Variants in IRAG2 observed in about 807,000 individuals in gnomAD.
IRAG2 encodes the protein inositol 1,4,5-triphosphate receptor associated 2, also known as lymphoid restricted membrane protein.
Under a neutral mutation model 69.9 loss-of-function variants are expected in IRAG2, and 45 were observed. The ratio of observed to expected loss-of-function variants is 0.64; its 90% CI spans 0.51 to 0.83. The LOEUF is 0.83. IRAG2 is among the 40% of genes least tolerant of loss of function. IRAG2 has a pLI of 0.00. For missense variants in IRAG2, 520 were observed against 587.0 expected (o/e 0.89, Z 1.18); for synonymous variants, 193 against 202.4 (o/e 0.95, Z 0.40).
At chr12:25,063,148 C>T (rs1481149711) in intron 3 of IRAG2, among the ~76,000 whole-genome samples, 4 of 152,164 alleles carry the variant, frequency 2.6e-5, no homozygotes, top group South Asian at 2.1e-4. Flanking sequence ...CTGCAACCTC[C>T]GCCTCCTGGG....
In IRAG2 at chr12:25,054,619, T is replaced by C. The variant is rs76444115; in HGVS notation, c.-447+1663T>C. ...GAATATGAAAGCTGCCCTGGGTTGATACGTGTATTTTTTTCTGCCTGGATA... is the reference window on the plus strand; with the variant it reads ...GAATATGAAAGCTGCCCTGGGTTGACACGTGTATTTTTTTCTGCCTGGATA... On this transcript the variant is annotated intron_variant, in intron 1 of 21. Transcript: ENST00000556887. 9.3e-3 allele frequency among the ~76,000 whole-genome samples: 1,412 copies of C among 152,308 alleles called. 22 individuals are homozygous for C. Among genetic ancestry groups the C allele is most frequent in the African/African-American group, 0.033 (1,353 of 41,562 alleles).
chr12:25,004,854 A>C (rs2139813358), exon 1 of IRAG2: 1 of 1,232,024 alleles, frequency 8.1e-7, no homozygotes, highest in East Asian at 3.2e-5. Context: ...CCTTTGTTCA[A>C]AGCTTGAAGT....
At position 25,052,838 on chromosome 12, in the gene IRAG2, T is replaced by C; in HGVS notation, c.-565T>C. The C allele has an allele frequency of 2.5e-6, 1 of 398,636 alleles. No homozygotes were observed. Among genetic ancestry groups the C allele is most frequent in the Non-Finnish European group, 4.4e-6 (1 of 226,060 alleles). The allele number at this position is 398,636 out of a possible 1,614,324, so 24.7% of individuals were successfully genotyped here. On this transcript the variant is annotated 5_prime_UTR_variant, in exon 1 of 22. Transcript: ENST00000556887. The stretch of plus-strand genomic sequence containing the variant: ...AAGCCCACACTGCCAGTGAAAAAGC[T>C]ACGTCTTTACTGCATAAATTAGAGG...
At chr12:25,078,747 G>A (rs1384414198) in intron 6 of IRAG2, among the ~76,000 whole-genome samples, 1 of 152,132 alleles carries the variant, frequency 6.6e-6, no homozygotes, top group Non-Finnish European at 1.5e-5. Flanking sequence ...CAAGTAATAG[G>A]TGCTAACTTA....
chr12:25,021,091 C>CTTTTTTTTTTTTTTCTTTTTTTTT (rs71063389), intron 7 of IRAG2: 1 of 266,024 alleles, frequency 3.8e-6, no homozygotes, highest in Non-Finnish European at 6.7e-6. Flanking sequence ...TCTTTCTTTT[C>CTTTTTTTTTTTTTTCTTTTTTTTT]TTTTTTTTTT....
intron 16 of IRAG2, among the ~76,000 whole-genome samples, chr12:25,044,208 T>G (rs1944773624): frequency 1.3e-5 from 2 of 152,072 alleles, no homozygotes; most frequent in Non-Finnish European, 2.9e-5. Context: ...TAGCTTAAAA[T>G]AGACTATTAT....
intron 2 of IRAG2, among the ~76,000 whole-genome samples, chr12:25,007,949 T>A (rs1944445500): frequency 6.6e-6 from 1 of 152,206 alleles, no homozygotes; most frequent in African/African-American, 2.4e-5. Context: ...GTTTTTATTT[T>A]ATTTTTTTTT....
exon 1 of IRAG2, chr12:25,004,701 C>T: frequency 8.1e-7 from 1 of 1,232,140 alleles, no homozygotes; most frequent in Non-Finnish European, 1.0e-6. Context: ...CTGAAAACGT[C>T]TCAAAGCCGA....
upstream of IRAG2, among the ~76,000 whole-genome samples, chr12:25,003,985 G>T (rs1163413843): frequency 6.6e-6 from 1 of 152,174 alleles, no homozygotes; most frequent in Non-Finnish European, 1.5e-5. Context: ...ATTTATTGGG[G>T]TGTGTTGCTT....
intron 5 of IRAG2, among the ~76,000 whole-genome samples, chr12:25,068,371 G>T (rs1161965390): frequency 1.3e-5 from 2 of 152,220 alleles, no homozygotes; most frequent in African/African-American, 4.8e-5. Context: ...TCTTTGTGGA[G>T]TTGGGGTGTG....
rs1464505525 is a variant in IRAG2 at position 25,079,667 on chromosome 12, GA to G, written c.151del (p.Ile51PhefsTer2). The G allele has an allele frequency of 6.2e-7, 1 of 1,611,034 alleles. No individual in the cohort carries two copies. The highest frequency in any genetic ancestry group is 8.5e-7 in the Non-Finnish European group (1 of 1,177,364). ...TCTCCTGTTGACAGATCCTGGATTA[GA>G]AATTCTGAATATGGCTTCTTGTGAC... ...GTITSSDPGL[E>X]ILNMASCDLD... On this transcript the variant is annotated frameshift_variant, in exon 9 of 22. Transcript: ENST00000556887. LOFTEE classifies it high-confidence loss of function.
chr12:25,072,265 C>T (rs1027354679), intron 6 of IRAG2, among the ~76,000 whole-genome samples: 4 of 152,068 alleles, frequency 2.6e-5, no homozygotes, highest in Admixed American at 2.6e-4. Context: ...ACATCACAAT[C>T]GAGCCTCCAG....
chr12:25,099,921 A>C (rs1226052472), intron 15 of IRAG2, among the ~76,000 whole-genome samples: 2 of 142,102 alleles, frequency 1.4e-5, no homozygotes, highest in African/African-American at 2.6e-5. Flanking sequence ...ACTCACTTGA[A>C]CCCGGGAGGC....
chr12:25,099,582 A>G (rs906245056), intron 15 of IRAG2, among the ~76,000 whole-genome samples: 3 of 152,094 alleles, frequency 2.0e-5, no homozygotes, highest in African/African-American at 7.2e-5. Context: ...CCTCCTCCCA[A>G]CATAGTCTGT....
intron 2 of IRAG2, among the ~76,000 whole-genome samples, chr12:25,006,061 G>T (rs147330842): frequency 6.6e-6 from 1 of 151,986 alleles, no homozygotes; most frequent in Non-Finnish European, 1.5e-5. Flanking sequence ...TAAAAAGTGG[G>T]CAAAGGACAT....
intron 6 of IRAG2, among the ~76,000 whole-genome samples, chr12:25,072,784 T>C (rs1946418922): frequency 6.6e-6 from 1 of 152,194 alleles, no homozygotes. Flanking sequence ...TTTTTACCTT[T>C]ATTTCCCCAT....
At chr12:25,017,620 A>G (rs1386910572) in intron 6 of IRAG2, among the ~76,000 whole-genome samples, 1 of 152,032 alleles carries the variant, frequency 6.6e-6, no homozygotes, top group African/African-American at 2.4e-5. Context: ...CTGCAGGCTG[A>G]GGCAAGAAAA....
At chr12:25,067,912 C>G (rs1454030252) in intron 5 of IRAG2, among the ~76,000 whole-genome samples, 1 of 152,092 alleles carries the variant, frequency 6.6e-6, no homozygotes, top group Non-Finnish European at 1.5e-5. Flanking sequence ...ATGATCTCGG[C>G]TCACTGCAAC....
chr12:25,055,823 G>A (rs186865885), intron 1 of IRAG2, among the ~76,000 whole-genome samples: 2,288 of 151,960 alleles, frequency 0.015, 60 homozygotes, highest in African/African-American at 0.048. Flanking sequence ...TATAGGATGT[G>A]TATATAACAT....
Sources: gnomAD v4.1 joint callset for allele counts (sites outside exome capture counted in the v4.1 genomes callset) on GRCh38, gnomAD v4.1.1 for gene constraint, MANE v1.5 for transcripts, NCBI Gene and HGNC (gene_info 2026-07-23, HGNC 2026-07-21) for gene names.